RAB3B: variants seen among roughly 807,000 people sequenced by gnomAD.
The protein encoded by RAB3B is ras-related protein Rab-3B.
Under a neutral mutation model 20.5 loss-of-function variants are expected in RAB3B, and 11 were observed. That is an observed-to-expected ratio of 0.54 (90% CI 0.34 to 0.89). RAB3B has a LOEUF of 0.89. Ranked by LOEUF, RAB3B falls within the 40% of genes least tolerant of loss-of-function variation. RAB3B has a pLI of 0.02. For missense variants in RAB3B, 225 were observed against 280.9 expected, an observed-to-expected ratio of 0.80 and a Z score of 1.42; for synonymous variants, 99 against 106.3, an observed-to-expected ratio of 0.93 and a Z score of 0.42.
chr1:51,934,023 G>A (rs1684362570), intron 3 of RAB3B, among the ~76,000 whole-genome samples: 1 of 152,074 alleles, frequency 6.6e-6, no homozygotes, highest in African/African-American at 2.4e-5. Context: ...ACCATATCTG[G>A]CCATCCCTCT....
At chr1:51,969,234 C>T (rs1030985606) in intron 2 of RAB3B, among the ~76,000 whole-genome samples, 38 of 152,310 alleles carry the variant, frequency 2.5e-4, no homozygotes, top group African/African-American at 9.1e-4. Context: ...GAGGTCGAGG[C>T]TGCAGTAAAC....
At chr1:51,952,654 C>T (rs536945170) in intron 2 of RAB3B, among the ~76,000 whole-genome samples, 2 of 147,096 alleles carry the variant, frequency 1.4e-5, no homozygotes, top group African/African-American at 5.0e-5. Flanking sequence ...ACTGAATGAA[C>T]AAAGGAATGA....
At chr1:51,925,011 C>T (rs554593365) in intron 4 of RAB3B, among the ~76,000 whole-genome samples, 1 of 152,246 alleles carries the variant, frequency 6.6e-6, no homozygotes, top group South Asian at 2.1e-4. Flanking sequence ...CCTCCACCCC[C>T]CAAAAATGAT....
chr1:51,930,887 G>C (rs1684313971), intron 4 of RAB3B, among the ~76,000 whole-genome samples: 1 of 151,734 alleles, frequency 6.6e-6, no homozygotes, highest in Non-Finnish European at 1.5e-5. Flanking sequence ...CATGGTGGTG[G>C]GTGCCTATAA....
intron 2 of RAB3B, among the ~76,000 whole-genome samples, chr1:51,950,878 G>A (rs866586149): frequency 2.6e-5 from 4 of 152,206 alleles, no homozygotes; most frequent in Admixed American, 6.5e-5. Flanking sequence ...CAGCAGCTGA[G>A]AGCTGAGACA....
At chr1:51,969,790 T>G (rs1314788949) in intron 2 of RAB3B, among the ~76,000 whole-genome samples, 1 of 152,196 alleles carries the variant, frequency 6.6e-6, no homozygotes, top group Non-Finnish European at 1.5e-5. Context: ...TTTATGCACA[T>G]TATCTATGTA....
At chr1:51,942,827 CTG>C (rs1222414655) in intron 2 of RAB3B, among the ~76,000 whole-genome samples, 1 of 152,142 alleles carries the variant, frequency 6.6e-6, no homozygotes, top group African/African-American at 2.4e-5. Context: ...CTTCATGTCT[CTG>C]TGTCACATTT....
At chr1:51,927,200 G>T (rs946163493) in intron 4 of RAB3B, among the ~76,000 whole-genome samples, 1 of 152,118 alleles carries the variant, frequency 6.6e-6, no homozygotes, top group Admixed American at 6.5e-5. Context: ...AAATAAGCAA[G>T]GCAGTGTATG....
intron 2 of RAB3B, among the ~76,000 whole-genome samples, chr1:51,963,544 G>A (rs1007957820): frequency 1.3e-5 from 2 of 152,132 alleles, no homozygotes; most frequent in Non-Finnish European, 2.9e-5. Context: ...TTAAATTTAT[G>A]ATCACTAATT....
chr1:51,921,146 G>A (rs980900192), intron 4 of RAB3B, among the ~76,000 whole-genome samples: 1 of 152,104 alleles, frequency 6.6e-6, no homozygotes, highest in African/African-American at 2.4e-5. Context: ...AAGCAAAAGT[G>A]GCCCTCTCCA....
At chr1:51,948,527 A>G (rs1684592887) in intron 2 of RAB3B, among the ~76,000 whole-genome samples, 1 of 152,238 alleles carries the variant, frequency 6.6e-6, no homozygotes, top group Non-Finnish European at 1.5e-5. Flanking sequence ...AGATGAATAC[A>G]AGCCGGTACT....
rs146798116 is a variant in RAB3B at position 51,934,995 on chromosome 1, G to A, written c.348-1553C>T. ...TACTTCCTCTTTTGGTCTCCTGCAC[G>A]TTCACCATGACACCTATTACACTTG... On this transcript the variant is annotated intron_variant, in intron 3 of 4. Transcript: ENST00000371655. Among the ~76,000 whole-genome samples, 396 of 152,150 alleles carry A rather than the reference G, an allele frequency of 2.6e-3. 11 individuals are homozygous for A. The highest frequency in any genetic ancestry group is 0.018 in the East Asian group (95 of 5,180).
intron 2 of RAB3B, among the ~76,000 whole-genome samples, chr1:51,971,669 T>C (rs1350191856): frequency 6.6e-6 from 1 of 151,952 alleles, no homozygotes; most frequent in Non-Finnish European, 1.5e-5. Flanking sequence ...CCTGACCTCA[T>C]GATCCTCCCA....
intron 2 of RAB3B, among the ~76,000 whole-genome samples, chr1:51,972,419 A>C (rs1684949664): frequency 1.3e-5 from 2 of 152,010 alleles, no homozygotes; most frequent in African/African-American, 2.4e-5. Flanking sequence ...ATGTCCTCCC[A>C]AAATGTGTAT....
At chr1:51,977,187 G>A in intron 1 of RAB3B, 70 bp from the exon 2 acceptor site, 1 of 1,165,592 alleles carries the variant, frequency 8.6e-7, no homozygotes, top group Non-Finnish European at 1.3e-6. Context: ...TCCTTCTAAT[G>A]GTCACCCCAC....
At chr1:51,975,118 G>A (rs574149488) in intron 2 of RAB3B, among the ~76,000 whole-genome samples, 2 of 152,202 alleles carry the variant, frequency 1.3e-5, no homozygotes, top group Non-Finnish European at 2.9e-5. Flanking sequence ...GGGGGCTGAA[G>A]CAACAGAATC....
chr1:51,917,378 C>T lies in RAB3B; in HGVS notation c.*2549G>A, dbSNP rs1684100934. ...CTTAAAGATCATCCAAATAAGCTCC[C>T]TCATTTTATAAGTAGGAAATCAAGA... On this transcript the variant is annotated 3_prime_UTR_variant, in exon 5 of 5. Transcript: ENST00000371655. 6.6e-6 allele frequency: 1 copy of T among 152,102 alleles called. No homozygotes were observed. The highest frequency in any genetic ancestry group is 1.5e-5 in the Non-Finnish European group (1 of 68,018). The allele number at this position is 152,102 out of a possible 1,614,324, so 9.4% of individuals were successfully genotyped here. A position where few individuals can be genotyped will look rare whatever the true frequency, so the allele number is the denominator to read the frequency against.
chr1:51,956,456 A>G (rs1230278818), intron 2 of RAB3B, among the ~76,000 whole-genome samples: 4 of 152,148 alleles, frequency 2.6e-5, no homozygotes, highest in Non-Finnish European at 5.9e-5. Context: ...TTTAACCCCT[A>G]AGTTATACTG....
intron 4 of RAB3B, among the ~76,000 whole-genome samples, chr1:51,928,775 T>C (rs963148649): frequency 6.6e-6 from 1 of 152,238 alleles, no homozygotes; most frequent in Non-Finnish European, 1.5e-5. Flanking sequence ...TTCAATTTCA[T>C]GAATATTTCA....
Sources: gnomAD v4.1 joint callset for allele counts (sites outside exome capture counted in the v4.1 genomes callset) on GRCh38, gnomAD v4.1.1 for gene constraint, MANE v1.5 for transcripts, NCBI Gene and HGNC (gene_info 2026-07-23, HGNC 2026-07-21) for gene names.